Variants in ANGPT1 observed in about 807,000 individuals in gnomAD.
The protein encoded by ANGPT1 is angiopoietin 1, also known as angiopoietin-1.
ANGPT1 carries 17 observed loss-of-function variants against 62.2 expected under a neutral mutation model. That is an observed-to-expected ratio of 0.27 (90% CI 0.19 to 0.41). The LOEUF (loss-of-function observed/expected upper bound fraction) is 0.41, where lower values mean the gene tolerates loss of function less well. ANGPT1 is among the 10% of genes least tolerant of loss of function. ANGPT1 has a pLI of 1.00. For synonymous variants in ANGPT1, 199 were observed against 198.9 expected (o/e 1.00, Z 0.00); for missense variants, 478 against 594.9 (o/e 0.80, Z 2.04).
intron 1 of ANGPT1, among the ~76,000 whole-genome samples, chr8:107,361,509 T>C (rs76662572): frequency 0.99 from 142,749 of 144,480 alleles, 70,510 homozygotes; most frequent in East Asian, 0.99. Flanking sequence ...TATATCTATA[T>C]CTATAGAATA....
intron 1 of ANGPT1, among the ~76,000 whole-genome samples, chr8:107,349,122 T>TTAGATAGATAGA (rs142050677): frequency 0.11 from 15,786 of 143,728 alleles, 967 homozygotes; most frequent in East Asian, 0.14. Flanking sequence ...GATAAGGAGA[T>TTAGATAGATAGA]TAGATAGATA....
chr8:107,437,001 T>C (rs974273989), intron 1 of ANGPT1, among the ~76,000 whole-genome samples: 4 of 152,222 alleles, frequency 2.6e-5, no homozygotes, highest in African/African-American at 9.7e-5. Flanking sequence ...ATTTTATTAT[T>C]AGTATCTCTA....
chr8:107,280,185 T>C (rs1332610204), intron 7 of ANGPT1, among the ~76,000 whole-genome samples: 1 of 152,006 alleles, frequency 6.6e-6, no homozygotes, highest in Non-Finnish European at 1.5e-5. Flanking sequence ...TCTTGGGTGA[T>C]GTTACTTTCT....
chr8:107,379,917 C>G (rs1816601941), intron 1 of ANGPT1, among the ~76,000 whole-genome samples: 1 of 151,982 alleles, frequency 6.6e-6, no homozygotes, highest in Admixed American at 6.6e-5. Context: ...TCCAAGAAAC[C>G]ACTAACCAGA....
At chr8:107,336,381 T>C in intron 2 of ANGPT1, 110 bp from the exon 3 acceptor site, 1 of 1,424,332 alleles carries the variant, frequency 7.0e-7, no homozygotes, top group Non-Finnish European at 9.1e-7. Flanking sequence ...ACAAATGGTT[T>C]ACCGCCGGGC....
chr8:107,478,075 T>TC (rs1248777738), intron 1 of ANGPT1, among the ~76,000 whole-genome samples: 1 of 150,728 alleles, frequency 6.6e-6, no homozygotes, highest in African/African-American at 2.4e-5. Context: ...TTTTTTTTTT[T>TC]CTACAAGATT....
chr8:107,269,952 G>A lies in ANGPT1; in HGVS notation c.1206-5601C>T, dbSNP rs183306805. On this transcript the variant is annotated intron_variant, in intron 7 of 8. Transcript: ENST00000517746. Reference sequence around the variant, plus strand: ...TATTCTCTAGTCATCTTTGATAAAAGTTACTCCTTTTCAATCACTTTTAGA... The same window carrying A: ...TATTCTCTAGTCATCTTTGATAAAAATTACTCCTTTTCAATCACTTTTAGA... 3.7e-4 allele frequency among the ~76,000 whole-genome samples: 57 copies of A among 152,026 alleles called. No homozygotes were observed. The East Asian group carries it at 0.01, about 27-fold the overall frequency.
At chr8:107,336,800 C>A (rs1455812242) in intron 2 of ANGPT1, among the ~76,000 whole-genome samples, 3 of 150,598 alleles carry the variant, frequency 2.0e-5, no homozygotes, top group African/African-American at 7.3e-5. Context: ...TTTAGGACTT[C>A]TGTGTCCTAA....
chr8:107,272,100 A>T (rs1232625824), intron 7 of ANGPT1, among the ~76,000 whole-genome samples: 1 of 152,052 alleles, frequency 6.6e-6, no homozygotes. Flanking sequence ...GTTAAGAAGG[A>T]AGACATTATC....
chr8:107,382,460 C>CTATG (rs1341301329), intron 1 of ANGPT1, among the ~76,000 whole-genome samples: 1 of 152,004 alleles, frequency 6.6e-6, no homozygotes, highest in African/African-American at 2.4e-5. Context: ...TTCCCAGTTA[C>CTATG]TATGTATGTG....
chr8:107,409,645 C>T (rs1387886179), intron 1 of ANGPT1, among the ~76,000 whole-genome samples: 5 of 152,104 alleles, frequency 3.3e-5, no homozygotes, highest in Non-Finnish European at 7.4e-5. Context: ...CAAGTCAGGG[C>T]CAATGAGATT....
intron 5 of ANGPT1, among the ~76,000 whole-genome samples, chr8:107,298,883 G>A (rs1179712475): frequency 2.0e-5 from 3 of 151,734 alleles, no homozygotes; most frequent in Non-Finnish European, 2.9e-5. Context: ...GCAATGCTTT[G>A]GCTAAGCCTA....
intron 4 of ANGPT1, among the ~76,000 whole-genome samples, chr8:107,311,961 G>A (rs1225037314): frequency 2.0e-5 from 3 of 152,078 alleles, no homozygotes; most frequent in Non-Finnish European, 4.4e-5. Flanking sequence ...CTACTCGGGA[G>A]GCTGAGGCAG....
chr8:107,454,263 T>C (rs983198775), intron 1 of ANGPT1, among the ~76,000 whole-genome samples: 7 of 152,054 alleles, frequency 4.6e-5, no homozygotes, highest in South Asian at 2.1e-4. Context: ...AAAAATGCAA[T>C]AGTTAAGAGG....
intron 1 of ANGPT1, among the ~76,000 whole-genome samples, chr8:107,426,675 A>G (rs1173537894): frequency 2.0e-5 from 3 of 152,200 alleles, no homozygotes; most frequent in African/African-American, 7.2e-5. Context: ...TATGTAGAGC[A>G]TACGCCTTCT....
chr8:107,486,942 A>T (rs1182199915), intron 1 of ANGPT1, among the ~76,000 whole-genome samples: 1 of 152,138 alleles, frequency 6.6e-6, no homozygotes, highest in Non-Finnish European at 1.5e-5. Flanking sequence ...TGAAGTGCAT[A>T]TTTGATTAGG....
intron 6 of ANGPT1, among the ~76,000 whole-genome samples, chr8:107,293,606 T>A (rs1814336134): frequency 6.6e-6 from 1 of 152,128 alleles, no homozygotes; most frequent in Non-Finnish European, 1.5e-5. Context: ...CCTGCAACCC[T>A]GCACAGCTCC....
At chr8:107,485,800 A>G (rs1812798898) in intron 1 of ANGPT1, among the ~76,000 whole-genome samples, 1 of 152,250 alleles carries the variant, frequency 6.6e-6, no homozygotes, top group Non-Finnish European at 1.5e-5. Flanking sequence ...GAGGGAGGTC[A>G]TTACATTGAA....
At chr8:107,399,650 C>A (rs1817004095) in intron 1 of ANGPT1, among the ~76,000 whole-genome samples, 1 of 152,132 alleles carries the variant, frequency 6.6e-6, no homozygotes, top group South Asian at 2.1e-4. Context: ...AGCCCGGCTC[C>A]TGATTCCAAC....
Sources: allele counts gnomAD v4.1 joint callset (sites outside exome capture counted in the v4.1 genomes callset), GRCh38; gene constraint gnomAD v4.1.1; transcripts MANE v1.5; gene names NCBI Gene and HGNC (gene_info 2026-07-23, HGNC 2026-07-21).